The following RNF4 variants were observed in gnomAD, a reference collection of about 807,000 sequenced individuals.
RNF4 encodes ring finger protein 4.
Under a neutral mutation model 24.3 loss-of-function variants are expected in RNF4, and 7 were observed. The ratio of observed to expected loss-of-function variants is 0.29; its 90% CI spans 0.16 to 0.54. RNF4 has a LOEUF of 0.54. Ranked by LOEUF, RNF4 falls within the 20% of genes least tolerant of loss-of-function variation. The pLI is 0.95. For missense variants in RNF4, 209 were observed against 248.5 expected (o/e 0.84, Z 1.07); for synonymous variants, 83 against 84.3 (o/e 0.98, Z 0.09).
At chr4:2,511,665 C>CT (rs1247440604) in intron 4 of RNF4, among the ~76,000 whole-genome samples, 3 of 152,032 alleles carry the variant, frequency 2.0e-5, no homozygotes, top group Non-Finnish European at 2.9e-5. Context: ...GTCTTGCAGT[C>CT]AGCACATGGT....
chr4:2,500,301 A>T (rs543745696), intron 3 of RNF4, among the ~76,000 whole-genome samples: 33 of 152,274 alleles, frequency 2.2e-4, no homozygotes, highest in African/African-American at 7.9e-4. Context: ...GTCCATCCCA[A>T]AGAGAAAGGC....
At chr4:2,496,093 T>G (rs1014128971) in intron 2 of RNF4, among the ~76,000 whole-genome samples, 4 of 152,208 alleles carry the variant, frequency 2.6e-5, no homozygotes, top group Non-Finnish European at 5.9e-5. Context: ...GCCTGAACTT[T>G]CCGGAAGACA....
intron 4 of RNF4, among the ~76,000 whole-genome samples, chr4:2,510,403 A>C (rs1038118393): frequency 1.3e-5 from 2 of 152,252 alleles, no homozygotes; most frequent in South Asian, 2.1e-4. Flanking sequence ...CCCTGCACTC[A>C]TATCTTTGGG....
intron 1 of RNF4, among the ~76,000 whole-genome samples, 198 bp from the exon 2 acceptor site, chr4:2,490,139 T>C (rs1006990498): frequency 1.3e-5 from 2 of 152,082 alleles, no homozygotes; most frequent in African/African-American, 2.4e-5. Context: ...TAATTACAAT[T>C]GCAGGCTTTG....
In RNF4 at chr4:2,469,184, T is replaced by G. The variant is rs146100453; in HGVS notation, c.-232T>G. On this transcript the variant is annotated 5_prime_UTR_variant, in exon 1 of 8. Coordinates refer to ENST00000314289, the MANE Select transcript of RNF4 (RefSeq NM_002938.5). ...GGGCGGCTGAAGAAGGAGCTTCTTC[T>G]CCGGAGTGCGCCGGCGGTGGCGCCT... 2 of 152,198 alleles carry G rather than the reference T, an allele frequency of 1.3e-5. No homozygotes were observed. The highest frequency in any genetic ancestry group is 2.9e-5 in the Non-Finnish European group (2 of 68,058). 9.4% of individuals were successfully genotyped at this position (152,198 alleles called of 1,614,324 possible). A position where few individuals can be genotyped will look rare whatever the true frequency, so the allele number is the denominator to read the frequency against.
intron 1 of RNF4, chr4:2,480,054 C>T (rs904338244): frequency 6.6e-6 from 1 of 152,084 alleles, no homozygotes; most frequent in African/African-American, 2.4e-5. Flanking sequence ...TCTTAGCCTC[C>T]TGAGTAACTG....
At chr4:2,479,584 C>G (rs909890696) in intron 1 of RNF4, among the ~76,000 whole-genome samples, 7 of 152,152 alleles carry the variant, frequency 4.6e-5, no homozygotes, top group Non-Finnish European at 7.3e-5. Flanking sequence ...TGCCGCCATC[C>G]ACGTAAGACG....
chr4:2,507,602 C>A lies in RNF4; in HGVS notation c.205-4354C>A, dbSNP rs78439795. ...GTCTTGGTGCCCTTGGCTGGGTGAA[C>A]ATTCCTAGAAATGCCAGGGGCCAGC... On this transcript the variant is annotated intron_variant, in intron 4 of 7. Transcript: ENST00000314289. Among the ~76,000 whole-genome samples, 565 of 152,226 alleles carry A rather than the reference C, an allele frequency of 3.7e-3. 1 individual carries two copies. The highest frequency in any genetic ancestry group is 0.011 in the African/African-American group (439 of 41,540).
In RNF4 at chr4:2,500,753, G is replaced by T. The variant is rs1460191926; in HGVS notation, c.204+15G>T. 6.2e-7 allele frequency: 1 copy of T among 1,613,000 alleles called. No individual in the cohort carries two copies. Among genetic ancestry groups the T allele is most frequent in the Admixed American group, 1.7e-5 (1 of 59,898 alleles). ...ACTCTGTTGTGGTAAGTGTTGGAGTGTGAGAGTCGGCTGTTTCTTGGGTAT... is the reference window on the plus strand; with the variant it reads ...ACTCTGTTGTGGTAAGTGTTGGAGTTTGAGAGTCGGCTGTTTCTTGGGTAT... On this transcript the variant is annotated intron_variant, in intron 4 of 7. Coordinates refer to ENST00000314289, the MANE Select transcript of RNF4 (RefSeq NM_002938.5).
intron 3 of RNF4, among the ~76,000 whole-genome samples, chr4:2,498,430 C>T (rs780782848): frequency 6.6e-6 from 1 of 152,024 alleles, no homozygotes; most frequent in South Asian, 2.1e-4. Context: ...TCAGATTATC[C>T]ACCTGCCTTG....
chr4:2,484,202 TG>T, intron 1 of RNF4, among the ~76,000 whole-genome samples: 1 of 151,568 alleles, frequency 6.6e-6, no homozygotes, highest in Non-Finnish European at 1.5e-5. Flanking sequence ...TCTGTGTACC[TG>T]GTGTAGGCCT....
chr4:2,495,192 G>A (rs1735695907), intron 2 of RNF4, among the ~76,000 whole-genome samples: 1 of 152,160 alleles, frequency 6.6e-6, no homozygotes, highest in African/African-American at 2.4e-5. Context: ...CTTAGTCCGT[G>A]GGAAGTTACT....
At chr4:2,485,029 C>T (rs941673305) in intron 1 of RNF4, among the ~76,000 whole-genome samples, 1 of 152,160 alleles carries the variant, frequency 6.6e-6, no homozygotes, top group East Asian at 1.9e-4. Context: ...ACACAGTGCT[C>T]GTGTGGGACA....
chr4:2,490,634 T>C, intron 2 of RNF4, 132 bp downstream of exon 2: 1 of 923,148 alleles, frequency 1.1e-6, no homozygotes, highest in Non-Finnish European at 1.6e-6. Context: ...GGAGTATGTA[T>C]AGGAGCTTTC....
chr4:2,492,668 TCACACC>T (rs1735616659), intron 2 of RNF4, among the ~76,000 whole-genome samples: 1 of 152,148 alleles, frequency 6.6e-6, no homozygotes, highest in African/African-American at 2.4e-5. Flanking sequence ...GAAATGCTGG[TCACACC>T]CTCTGAGCCT....
chr4:2,485,373 T>C (rs1367301911), intron 1 of RNF4, among the ~76,000 whole-genome samples: 1 of 152,182 alleles, frequency 6.6e-6, no homozygotes, highest in East Asian at 1.9e-4. Flanking sequence ...CTTTTACAGA[T>C]TCTATCTACC....
chr4:2,500,794 GC>G, intron 4 of RNF4, 56 bp downstream of exon 4: 1 of 1,536,142 alleles, frequency 6.5e-7, no homozygotes, highest in Non-Finnish European at 9.0e-7. Context: ...CCTGGCCAGT[GC>G]CAGCATCTGA....
At chr4:2,479,201 T>A (rs889851634) in intron 1 of RNF4, among the ~76,000 whole-genome samples, 1 of 152,236 alleles carries the variant, frequency 6.6e-6, no homozygotes, top group African/African-American at 2.4e-5. Flanking sequence ...TGCACCCCCG[T>A]TGTATCTAAG....
rs1394273632 is a variant in RNF4 at position 2,497,037 on chromosome 4, A to G, written c.40A>G (p.Arg14Gly). 4 of 1,606,702 alleles carry G rather than the reference A, an allele frequency of 2.5e-6. No homozygotes were observed. Among genetic ancestry groups the G allele is most frequent in the Non-Finnish European group, 3.4e-6 (4 of 1,176,766 alleles). Residue 14 changes from arginine (R) to glycine (G), a missense_variant, in exon 3 of 8, where the codon AGA becomes GGA. This residue lies in a region of RNF4 where 182 missense variants were observed against 197.2 expected (regional missense o/e 0.92). Coordinates refer to ENST00000314289, the MANE Select transcript of RNF4 (RefSeq NM_002938.5). The part of the protein sequence containing the change: ...RKRRGGAINS[R>G]QAQKRTREAT... ...GCGTCGTGGTGGAGCAATAAATTCT[A>G]GACAAGCTCAGAAGCGAACTCGGGA...
Sources: allele counts gnomAD v4.1 joint callset (sites outside exome capture counted in the v4.1 genomes callset), GRCh38; gene constraint gnomAD v4.1.1; regional missense constraint gnomAD v4.1.1; transcripts MANE v1.5; gene names NCBI Gene and HGNC (gene_info 2026-07-23, HGNC 2026-07-21).